Variants in MECOM observed in about 807,000 individuals in gnomAD.
MECOM encodes the protein MDS1 and EVI1 complex locus, also known as histone-lysine N-methyltransferase MECOM.
In MECOM, 13 loss-of-function variants were observed where a neutral mutation model predicts 116.3. That is an observed-to-expected ratio of 0.11 (90% CI 0.07 to 0.18). MECOM has a LOEUF of 0.18. MECOM is among the 10% of genes least tolerant of loss of function. The pLI is 1.00. For synonymous variants in MECOM, 528 were observed against 535.2 expected (o/e 0.99, Z 0.19); for missense variants, 1,299 against 1,509.0 (o/e 0.86, Z 2.31).
At chr3:169,468,821 C>A (rs546016150) in intron 1 of MECOM, among the ~76,000 whole-genome samples, 1 of 152,188 alleles carries the variant, frequency 6.6e-6, no homozygotes. Flanking sequence ...GATCTTACTT[C>A]ATGCAAAAGC....
At chr3:169,357,429 A>G (rs778586483) in intron 2 of MECOM, among the ~76,000 whole-genome samples, 1 of 151,854 alleles carries the variant, frequency 6.6e-6, no homozygotes, top group Non-Finnish European at 1.5e-5. Flanking sequence ...TCAGGACATT[A>G]AGTTAAAACT....
intron 1 of MECOM, among the ~76,000 whole-genome samples, chr3:169,599,781 T>C (rs1016194021): frequency 2.6e-5 from 4 of 152,096 alleles, no homozygotes; most frequent in Admixed American, 1.3e-4. Context: ...CACCACAACA[T>C]GATAAATATG....
chr3:169,326,810 T>A (rs1166783552), intron 2 of MECOM, among the ~76,000 whole-genome samples: 1 of 152,206 alleles, frequency 6.6e-6, no homozygotes, highest in Non-Finnish European at 1.5e-5. Flanking sequence ...TTCGTGTTAA[T>A]TAATATTCAA....
chr3:169,492,580 C>T (rs1197664333), intron 1 of MECOM, among the ~76,000 whole-genome samples: 1 of 152,074 alleles, frequency 6.6e-6, no homozygotes, highest in South Asian at 2.1e-4. Flanking sequence ...AGTTATTTAC[C>T]ATACACGTGT....
intron 1 of MECOM, among the ~76,000 whole-genome samples, chr3:169,472,469 AAAG>A: frequency 6.3e-4 from 10 of 15,974 alleles, no homozygotes; most frequent in African/African-American, 2.2e-3. Flanking sequence ...GGAAAGAAGG[AAAG>A]GAAAGGAAAG....
Position 169,433,239 on chromosome 3 carries a change from CG to C in MECOM, c.38-51716del, listed in dbSNP as rs1466451205. On this transcript the variant is annotated intron_variant, in intron 1 of 16. Coordinates refer to ENST00000651503, the MANE Select transcript of MECOM (RefSeq NM_004991.4). ...ATCACAGCACTTTGGGAGGCCAAGG[CG>C]GGTGGATCACTTGAGGTCAGGAGTT... Among the ~76,000 whole-genome samples, 3 of 152,194 alleles carry C rather than the reference CG, an allele frequency of 2.0e-5. No individual in the cohort carries two copies. In the East Asian group the frequency reaches 5.8e-4, roughly 29 times the overall value.
chr3:169,510,539 T>C (rs1755844951), intron 1 of MECOM, among the ~76,000 whole-genome samples: 1 of 152,220 alleles, frequency 6.6e-6, no homozygotes, highest in Admixed American at 6.5e-5. Flanking sequence ...CCCTGCCAAC[T>C]CTGCATTGTC....
intron 3 of MECOM, among the ~76,000 whole-genome samples, chr3:169,139,283 G>C (rs532363185): frequency 2.6e-4 from 39 of 152,138 alleles, no homozygotes; most frequent in African/African-American, 9.1e-4. Flanking sequence ...CAGCTGTCAA[G>C]GGCCTACTTA....
intron 1 of MECOM, among the ~76,000 whole-genome samples, chr3:169,570,466 G>A (rs973291848): frequency 2.0e-5 from 3 of 151,942 alleles, no homozygotes; most frequent in Non-Finnish European, 4.4e-5. Context: ...GGAAAAAGAG[G>A]GACTCCTCCC....
At chr3:169,659,437 C>A (rs1478162069) in intron 1 of MECOM, among the ~76,000 whole-genome samples, 1 of 98,576 alleles carries the variant, frequency 1.0e-5, no homozygotes, top group Non-Finnish European at 1.8e-5. Flanking sequence ...CCCCTAAACA[C>A]AGATTTTTTT....
At chr3:169,346,716 A>T (rs543308408) in intron 2 of MECOM, among the ~76,000 whole-genome samples, 3 of 152,150 alleles carry the variant, frequency 2.0e-5, no homozygotes, top group South Asian at 2.1e-4. Context: ...AAAAAAATTT[A>T]AAATACTCCA....
chr3:169,444,614 C>T (rs1254571663), intron 1 of MECOM, among the ~76,000 whole-genome samples: 11 of 152,074 alleles, frequency 7.2e-5, no homozygotes, highest in South Asian at 2.1e-4. Flanking sequence ...TTCCCAGTCT[C>T]GGGTATGTCT....
intron 1 of MECOM, chr3:169,483,557 T>C: frequency 2.8e-6 from 2 of 703,498 alleles, no homozygotes; most frequent in South Asian, 4.1e-5. Context: ...GCCCTTTGAC[T>C]ATGATTTCCA....
intron 2 of MECOM, among the ~76,000 whole-genome samples, chr3:169,304,571 A>C (rs953496852): frequency 6.6e-6 from 1 of 152,224 alleles, no homozygotes; most frequent in Non-Finnish European, 1.5e-5. Context: ...TTATATTTTA[A>C]AAATAAGTAT....
intron 1 of MECOM, among the ~76,000 whole-genome samples, chr3:169,424,705 C>T (rs184105700): frequency 2.0e-4 from 30 of 152,168 alleles, no homozygotes; most frequent in African/African-American, 6.7e-4. Context: ...GAAACCCTTC[C>T]CTGAGTGAGG....
intron 2 of MECOM, among the ~76,000 whole-genome samples, chr3:169,184,820 C>T (rs1746489072): frequency 6.6e-6 from 1 of 152,184 alleles, no homozygotes; most frequent in Admixed American, 6.5e-5. Flanking sequence ...AATACTCTTA[C>T]ATGCAGTCCT....
intron 1 of MECOM, among the ~76,000 whole-genome samples, chr3:169,653,231 T>C (rs1405781708): frequency 6.6e-6 from 1 of 152,052 alleles, no homozygotes; most frequent in East Asian, 1.9e-4. Flanking sequence ...ATTGAAGGGG[T>C]TCACATAATC....
chr3:169,604,094 G>A (rs1768175207), intron 1 of MECOM, among the ~76,000 whole-genome samples: 2 of 152,298 alleles, frequency 1.3e-5, no homozygotes, highest in South Asian at 4.2e-4. Context: ...AAATGATACG[G>A]AGTGGAGGGG....
chr3:169,241,266 C>T (rs1754772080), intron 2 of MECOM, among the ~76,000 whole-genome samples: 1 of 151,836 alleles, frequency 6.6e-6, no homozygotes. Flanking sequence ...AAGAGGAAAC[C>T]AGGGGTTACA....
Sources: allele counts gnomAD v4.1 joint callset (sites outside exome capture counted in the v4.1 genomes callset), GRCh38; gene constraint gnomAD v4.1.1; transcripts MANE v1.5; gene names NCBI Gene and HGNC (gene_info 2026-07-23, HGNC 2026-07-21).